KCNQ1: variants seen among roughly 807,000 people sequenced by gnomAD.
The protein encoded by KCNQ1 is potassium voltage-gated channel subfamily Q member 1.
Under a neutral mutation model 72.4 loss-of-function variants are expected in KCNQ1, and 49 were observed. The observed-to-expected ratio is 0.68, with a 90% confidence interval of 0.54 to 0.86. The LOEUF (loss-of-function observed/expected upper bound fraction) is 0.86, where lower values mean the gene tolerates loss of function less well. Among genes scored for constraint, KCNQ1 ranks in the 40% least tolerant of loss-of-function variants. KCNQ1 has a pLI of 0.00. For missense variants in KCNQ1, 790 were observed against 945.1 expected (o/e 0.84, Z 2.15); for synonymous variants, 450 against 412.6 (o/e 1.09, Z -1.10).
chr11:2,777,896 C>T lies in KCNQ1; in HGVS notation c.1733-80C>T. 2.4e-6 allele frequency: 3 copies of T among 1,251,098 alleles called. No individual in the cohort carries two copies. The Admixed American group carries it at 5.1e-5, about 21-fold the overall frequency. The allele number at this position is 1,251,098 out of a possible 1,614,324, so 77.5% of individuals were successfully genotyped here. On this transcript the variant is annotated intron_variant, in intron 14 of 15. Transcript: ENST00000155840. ...TCTCAGCTACCTCCCCCAGCCCTAC[C>T]ACCCCACTTCCCAAGCCCAGCTGGG...
chr11:2,736,647 C>T (rs1373769900), intron 11 of KCNQ1, among the ~76,000 whole-genome samples: 2 of 152,318 alleles, frequency 1.3e-5, no homozygotes, highest in East Asian at 3.9e-4. Context: ...CTGCAAACCC[C>T]AACCTAGCCC....
intron 10 of KCNQ1, among the ~76,000 whole-genome samples, chr11:2,590,782 A>T (rs1232388872): frequency 2.6e-5 from 4 of 152,022 alleles, no homozygotes. Context: ...GCCCCATGGG[A>T]GGGCTCCATG....
chr11:2,740,943 C>G (rs889277541), intron 11 of KCNQ1, among the ~76,000 whole-genome samples: 8 of 152,202 alleles, frequency 5.3e-5, no homozygotes, highest in Non-Finnish European at 1.2e-4. Flanking sequence ...GCTTGGCTGC[C>G]TGAATTCCAT....
Position 2,550,133 on chromosome 11 carries a change from A to G in KCNQ1, c.478-20495A>G, listed in dbSNP as rs988080500. Among the ~76,000 whole-genome samples the G allele has an allele frequency of 4.6e-5, 7 of 152,094 alleles. No individual in the cohort carries two copies. In the East Asian group the frequency reaches 1.2e-3, roughly 25 times the overall value. ...AGATGCTCAGAGTTGTCTGTAGAGA[A>G]CCAGAGCTGCCGAGCCCCGGCCTGG... On this transcript the variant is annotated intron_variant, in intron 2 of 15. Coordinates refer to ENST00000155840, the MANE Select transcript of KCNQ1 (RefSeq NM_000218.3). The surrounding 1 kb of genome is among the most constrained non-coding windows in gnomAD (Gnocchi z 6.0).
chr11:2,567,974 T>C lies in KCNQ1; in HGVS notation c.478-2654T>C. On this transcript the variant is annotated intron_variant, in intron 2 of 15. Transcript: ENST00000155840. This position sits in a 1 kb window ranked among gnomAD's most constrained non-coding sequence, Gnocchi z 6.6. ...GAAGGTATTTAAGTAATTTTAAAAG[T>C]GCATCAAAACAAGGTCAGGCGCGGT... Among the ~76,000 whole-genome samples the C allele has an allele frequency of 6.6e-6, 1 of 152,156 alleles. No homozygotes were observed. The highest frequency in any genetic ancestry group is 1.9e-4 in the East Asian group (1 of 5,196).
At chr11:2,514,279 G>A (rs1338593183) in intron 1 of KCNQ1, among the ~76,000 whole-genome samples, 1 of 152,266 alleles carries the variant, frequency 6.6e-6, no homozygotes, top group Admixed American at 6.5e-5. Context: ...GAGCCCGGCA[G>A]CATCTTGCCA....
At chr11:2,749,690 G>T (rs1240325244) in intron 11 of KCNQ1, among the ~76,000 whole-genome samples, 1 of 111,508 alleles carries the variant, frequency 9.0e-6, no homozygotes, top group East Asian at 3.8e-4. Flanking sequence ...GCGGGCGCCT[G>T]TGGTCCCAGC....
chr11:2,702,544 A>G (rs904920377), intron 11 of KCNQ1, among the ~76,000 whole-genome samples: 6 of 152,190 alleles, frequency 3.9e-5, no homozygotes, highest in Admixed American at 1.3e-4. Flanking sequence ...ACACTTAACA[A>G]AACTGTGGGT....
At chr11:2,572,205 C>T (rs533525465) in intron 5 of KCNQ1, 96 bp downstream of exon 5, 4 of 911,354 alleles carry the variant, frequency 4.4e-6, no homozygotes, top group South Asian at 1.4e-5. Flanking sequence ...TGCGCTGAGG[C>T]CCCGGGGGCC....
At chr11:2,614,670 A>G in intron 10 of KCNQ1, 1 of 398,474 alleles carries the variant, frequency 2.5e-6, no homozygotes, top group Non-Finnish European at 4.4e-6. Flanking sequence ...ATTTGTTGAA[A>G]ATGAATTGAT....
Position 2,482,068 on chromosome 11 carries a change from A to G in KCNQ1, c.386+36584A>G, listed in dbSNP as rs1426875677. Among the ~76,000 whole-genome samples the G allele has an allele frequency of 6.6e-6, 1 of 152,060 alleles. No individual in the cohort carries two copies. The highest frequency in any genetic ancestry group is 1.5e-5 in the Non-Finnish European group (1 of 68,008). On this transcript the variant is annotated intron_variant, in intron 1 of 15. Transcript: ENST00000155840. This position sits in a 1 kb window ranked among gnomAD's most constrained non-coding sequence, Gnocchi z 5.7. ...TGTGCCTCAGTTTCTTCATCTCTGA[A>G]ACGGGAACGATGGGAGCCCTCACCT...
rs1849911065 is a variant in KCNQ1, at chr11:2,659,418, T to C, written c.1394-2543T>C. The stretch of plus-strand genomic sequence containing the variant: ...AAAATGCATTTGAGATTCATCCATG[T>C]TGTTGCATAAATCATTAGTTAATTT... On this transcript the variant is annotated intron_variant, in intron 10 of 15. Coordinates refer to ENST00000155840, the MANE Select transcript of KCNQ1 (RefSeq NM_000218.3). This position sits in a 1 kb window ranked among gnomAD's most constrained non-coding sequence, Gnocchi z 4.3. 5.0e-6 allele frequency: 2 copies of C among 398,530 alleles called. No individual in the cohort carries two copies. Among genetic ancestry groups the C allele is most frequent in the Non-Finnish European group, 4.4e-6 (1 of 226,056 alleles). 24.7% of individuals were successfully genotyped at this position (398,530 alleles called of 1,614,324 possible). A position where few individuals can be genotyped will look rare whatever the true frequency, so the allele number is the denominator to read the frequency against.
rs1237463349 is a variant in KCNQ1, at chr11:2,698,250, A to C, written c.1514+36169A>C. The C allele has an allele frequency of 7.5e-6, 3 of 398,538 alleles. No individual in the cohort carries two copies. The highest frequency in any genetic ancestry group is 1.3e-5 in the Non-Finnish European group (3 of 226,072). 24.7% of individuals were successfully genotyped at this position (398,538 alleles called of 1,614,324 possible). On this transcript the variant is annotated intron_variant, in intron 11 of 15. Coordinates refer to ENST00000155840, the MANE Select transcript of KCNQ1 (RefSeq NM_000218.3). The surrounding 1 kb of genome is among the most constrained non-coding windows in gnomAD (Gnocchi z 5.1). Reference sequence around the variant, plus strand: ...TGTGGATATTATCAGGAAAGTTTTTATACTTTGTGATAATCTAAGACAGAA... The same window carrying C: ...TGTGGATATTATCAGGAAAGTTTTTCTACTTTGTGATAATCTAAGACAGAA...
At chr11:2,739,812 G>A (rs936573166) in intron 11 of KCNQ1, among the ~76,000 whole-genome samples, 4 of 152,264 alleles carry the variant, frequency 2.6e-5, no homozygotes, top group Non-Finnish European at 5.9e-5. Flanking sequence ...ACAGAGAGAG[G>A]GGAGGGGCAG....
chr11:2,448,774 C>T (rs954026771), intron 1 of KCNQ1, among the ~76,000 whole-genome samples: 4 of 152,246 alleles, frequency 2.6e-5, no homozygotes, highest in Admixed American at 1.3e-4. Context: ...GGGGCATGAG[C>T]CCTTGGTCTC....
At chr11:2,739,470 A>C (rs1846013045) in intron 11 of KCNQ1, among the ~76,000 whole-genome samples, 1 of 152,258 alleles carries the variant, frequency 6.6e-6, no homozygotes, top group African/African-American at 2.4e-5. Flanking sequence ...GTGGATGGAC[A>C]TAGGTGGGCA....
chr11:2,556,013 C>T (rs984338140), intron 2 of KCNQ1, among the ~76,000 whole-genome samples: 3 of 152,208 alleles, frequency 2.0e-5, no homozygotes, highest in African/African-American at 7.2e-5. Flanking sequence ...CCAGCTGCAG[C>T]CCCCTGCCTG....
rs369619008 is a variant in KCNQ1 at position 2,739,361 on chromosome 11, T to C, written c.1515-29483T>C. On this transcript the variant is annotated intron_variant, in intron 11 of 15. Transcript: ENST00000155840. ...TTGCCTGAGGTCACATGGTAACACA[T>C]GTGCACCCGGCAGTTGTTTCTGCCC... Among the ~76,000 whole-genome samples the C allele has an allele frequency of 5.9e-5, 9 of 152,228 alleles. No individual in the cohort carries two copies. In the East Asian group the frequency reaches 1.7e-3, roughly 30 times the overall value.
At chr11:2,649,356 A>G (rs938281353) in intron 10 of KCNQ1, 6 of 395,650 alleles carry the variant, frequency 1.5e-5, no homozygotes, top group Non-Finnish European at 2.7e-5. Flanking sequence ...TTCCTTTCTC[A>G]TTTGTGTATC....
Sources: gnomAD v4.1 joint callset for allele counts (sites outside exome capture counted in the v4.1 genomes callset) on GRCh38, gnomAD v4.1.1 for gene constraint, Gnocchi (gnomAD v3.1) non-coding constraint, MANE v1.5 for transcripts, NCBI Gene and HGNC (gene_info 2026-07-23, HGNC 2026-07-21) for gene names.